Variants in CCDC102B observed in about 807,000 individuals in gnomAD.
The protein encoded by CCDC102B is coiled-coil domain-containing protein 102B.
Under a neutral mutation model 57.4 loss-of-function variants are expected in CCDC102B, and 75 were observed. The ratio of observed to expected loss-of-function variants is 1.31; its 90% CI spans 1.08 to 1.58. The LOEUF is 1.58. CCDC102B is among the 40% of genes most tolerant of loss of function. The pLI, the probability that CCDC102B is intolerant of heterozygous loss-of-function variation, is 0.00. For missense variants in CCDC102B, 636 were observed against 582.6 expected, an observed-to-expected ratio of 1.09 and a Z score of -0.94; for synonymous variants, 206 against 201.9, an observed-to-expected ratio of 1.02 and a Z score of -0.17.
At chr18:68,873,872 A>G (rs150843125) in intron 4 of CCDC102B, among the ~76,000 whole-genome samples, 4 of 74,812 alleles carry the variant, frequency 5.3e-5, no homozygotes, top group Admixed American at 1.6e-4. Flanking sequence ...ATATGTCAAT[A>G]CAACAAAACA....
At chr18:68,734,925 G>A (rs1051269982) in intron 2 of CCDC102B, among the ~76,000 whole-genome samples, 11 of 152,152 alleles carry the variant, frequency 7.2e-5, no homozygotes, top group South Asian at 4.1e-4. Context: ...CCACAATACC[G>A]TATCTCTTGC....
intron 7 of CCDC102B, among the ~76,000 whole-genome samples, chr18:69,045,977 T>G (rs543630003): frequency 4.6e-5 from 7 of 152,294 alleles, no homozygotes; most frequent in Non-Finnish European, 1.0e-4. Context: ...ATGGTGTACG[T>G]GTACCACATT....
chr18:68,862,670 C>T (rs1009009688), intron 4 of CCDC102B, among the ~76,000 whole-genome samples: 1 of 152,024 alleles, frequency 6.6e-6, no homozygotes, highest in Non-Finnish European at 1.5e-5. Flanking sequence ...GAATTACTAA[C>T]AGGCAAAAAA....
chr18:69,053,738 A>AACC (rs1334773999), intron 7 of CCDC102B, among the ~76,000 whole-genome samples: 1 of 151,768 alleles, frequency 6.6e-6, no homozygotes, highest in African/African-American at 2.4e-5. Context: ...CTTATATAGA[A>AACC]TGGATCCTCA....
chr18:68,775,613 C>T (rs1333293960), intron 2 of CCDC102B, among the ~76,000 whole-genome samples: 1 of 147,502 alleles, frequency 6.8e-6, no homozygotes, highest in Non-Finnish European at 1.5e-5. Flanking sequence ...AAATAGATTG[C>T]TTTCCTTATG....
At chr18:68,858,279 T>C (rs1266595029) in intron 4 of CCDC102B, among the ~76,000 whole-genome samples, 2 of 152,232 alleles carry the variant, frequency 1.3e-5, no homozygotes, top group African/African-American at 4.8e-5. Flanking sequence ...AGATTCATCA[T>C]TGATGTGCAC....
intron 7 of CCDC102B, among the ~76,000 whole-genome samples, chr18:69,015,530 A>C (rs1434281229): frequency 6.6e-6 from 1 of 152,190 alleles, no homozygotes; most frequent in Non-Finnish European, 1.5e-5. Flanking sequence ...AATAGTAGCA[A>C]ATTCTTCAGC....
intron 6 of CCDC102B, among the ~76,000 whole-genome samples, chr18:68,946,981 T>C (rs140284806): frequency 2.4e-4 from 36 of 152,138 alleles, no homozygotes; most frequent in African/African-American, 7.2e-4. Flanking sequence ...TAAGACACAG[T>C]ATTCTGTGGG....
chr18:68,734,245 T>C (rs968921008), intron 2 of CCDC102B, among the ~76,000 whole-genome samples: 1 of 152,146 alleles, frequency 6.6e-6, no homozygotes, highest in Non-Finnish European at 1.5e-5. Flanking sequence ...TAGGGCTCAT[T>C]AAGAGGCACA....
intron 6 of CCDC102B, among the ~76,000 whole-genome samples, chr18:68,921,604 G>T (rs1236538698): frequency 6.6e-6 from 1 of 152,182 alleles, no homozygotes; most frequent in African/African-American, 2.4e-5. Flanking sequence ...AGTAGAATAA[G>T]CAGGACTTGA....
chr18:68,763,913 T>C lies in CCDC102B; in HGVS notation c.-67+47319T>C, dbSNP rs532737655. 2.6e-5 allele frequency among the ~76,000 whole-genome samples: 4 copies of C among 152,208 alleles called. No homozygotes were observed. In the East Asian group the frequency reaches 7.8e-4, roughly 30 times the overall value. On this transcript the variant is annotated intron_variant, in intron 2 of 3. Transcript: ENST00000578970. ...CCATCATCATATAATAATTACCCTT[T>C]GTTGAATGCCATGTGCCTAAACAAT...
At chr18:68,808,682 A>G (rs757413820) in intron 1 of CCDC102B, among the ~76,000 whole-genome samples, 50 of 151,990 alleles carry the variant, frequency 3.3e-4, no homozygotes, top group East Asian at 9.7e-4. Flanking sequence ...GTTTCACCGT[A>G]TTAGCCAGGA....
At chr18:68,724,007 C>T (rs2032478944) in intron 2 of CCDC102B, among the ~76,000 whole-genome samples, 1 of 152,224 alleles carries the variant, frequency 6.6e-6, no homozygotes. Flanking sequence ...TCTCTGAAAT[C>T]TAGATGCAGG....
intron 1 of CCDC102B, among the ~76,000 whole-genome samples, chr18:68,819,383 TC>T (rs1320015318): frequency 8.5e-5 from 13 of 152,048 alleles, no homozygotes; most frequent in African/African-American, 1.9e-4. Context: ...ATAAATTAGG[TC>T]CCCAGAGATG....
rs565356155 is a variant in CCDC102B, at chr18:68,763,806, TC to T, written c.-67+47216del. On this transcript the variant is annotated intron_variant, in intron 2 of 3. Transcript: ENST00000578970. Reference sequence around the variant, plus strand: ...ACAGCAGTAGAACCTAGCATTTTTTTCCCCTTGTGTTAACCTCTAGGTATTT... The same window carrying T: ...ACAGCAGTAGAACCTAGCATTTTTTTCCCTTGTGTTAACCTCTAGGTATTT... Among the ~76,000 whole-genome samples the T allele has an allele frequency of 2.7e-3, 400 of 150,692 alleles. 1 individual carries two copies. The highest frequency in any genetic ancestry group is 9.5e-3 in the African/African-American group (383 of 40,296).
chr18:68,917,779 G>A (rs1001294710), intron 6 of CCDC102B, among the ~76,000 whole-genome samples: 5 of 151,852 alleles, frequency 3.3e-5, no homozygotes, highest in African/African-American at 9.7e-5. Context: ...ACCAAGAATC[G>A]CTATGTTTTG....
At chr18:68,808,668 CA>C (rs2144703718) in intron 1 of CCDC102B, among the ~76,000 whole-genome samples, 1 of 152,048 alleles carries the variant, frequency 6.6e-6, no homozygotes, top group South Asian at 2.1e-4. Flanking sequence ...TTAGTAGAGA[CA>C]GGGTTTCACC....
chr18:69,038,840 T>A (rs1284846879), intron 7 of CCDC102B, among the ~76,000 whole-genome samples: 1 of 152,044 alleles, frequency 6.6e-6, no homozygotes, highest in Non-Finnish European at 1.5e-5. Context: ...AAAACTTGCT[T>A]CAATGGAAAA....
At chr18:68,947,914 T>A (rs2145188157) in intron 6 of CCDC102B, among the ~76,000 whole-genome samples, 1 of 152,110 alleles carries the variant, frequency 6.6e-6, no homozygotes, top group African/African-American at 2.4e-5. Flanking sequence ...TTGACAAAAG[T>A]GGGAAATGAA....
Sources: allele counts gnomAD v4.1 joint callset (sites outside exome capture counted in the v4.1 genomes callset), GRCh38; gene constraint gnomAD v4.1.1; transcripts MANE v1.5; gene names NCBI Gene and HGNC (gene_info 2026-07-23, HGNC 2026-07-21).